WDFY4: variants seen among roughly 807,000 people sequenced by gnomAD.
WDFY4 encodes the protein WDFY family member 4.
In WDFY4, 169 loss-of-function variants were observed where a neutral mutation model predicts 351.9. The observed-to-expected ratio is 0.48, with a 90% CI of 0.42 to 0.55. The LOEUF (loss-of-function observed/expected upper bound fraction) is 0.55. Ranked by LOEUF, WDFY4 falls within the 20% of genes least tolerant of loss-of-function variation. The pLI is 0.00. For missense variants in WDFY4, 3,803 were observed against 3,935.6 expected, an observed-to-expected ratio of 0.97 and a Z score of 0.90; for synonymous variants, 1,622 against 1,574.6, an observed-to-expected ratio of 1.03 and a Z score of -0.71.
rs1386993164 is a variant in WDFY4, at chr10:48,945,952, A to G, written c.7750-88A>G. The G allele has an allele frequency of 4.3e-6, 4 of 929,736 alleles. No homozygotes were observed. The African/African-American group carries it at 5.2e-5, about 12-fold the overall frequency. 57.6% of individuals were successfully genotyped at this position (929,736 alleles called of 1,614,324 possible). A position where few individuals can be genotyped will look rare whatever the true frequency, so the allele number is the denominator to read the frequency against. Reference sequence around the variant, plus strand: ...GGTCAGACCAAATGACTGTAAATCAATAAAGAGAACCATAAAACTCAAGAG... The same window carrying G: ...GGTCAGACCAAATGACTGTAAATCAGTAAAGAGAACCATAAAACTCAAGAG... On this transcript the variant is annotated intron_variant, in intron 49 of 61. Coordinates refer to ENST00000325239, the MANE Select transcript of WDFY4 (RefSeq NM_001394531.1).
intron 32 of WDFY4, 41 bp from the exon 33 acceptor site, chr10:48,820,193 G>A: frequency 1.9e-6 from 3 of 1,547,122 alleles, no homozygotes; most frequent in Non-Finnish European, 2.6e-6. Flanking sequence ...AGAGCTTGAG[G>A]CAGGGCAGGC....
intron 57 of WDFY4, among the ~76,000 whole-genome samples, 154 bp from the exon 58 acceptor site, chr10:48,974,708 C>A (rs989944230): frequency 7.9e-5 from 12 of 152,024 alleles, no homozygotes; most frequent in Non-Finnish European, 1.5e-4. Context: ...CATGCACACA[C>A]CCCCAGCTGC....
chr10:48,787,982 T>C (rs2066540999), intron 20 of WDFY4, among the ~76,000 whole-genome samples: 1 of 117,082 alleles, frequency 8.5e-6, no homozygotes, highest in Non-Finnish European at 1.7e-5. Context: ...CTTCTTCTTC[T>C]TCTCCTTCTC....
rs186873969 is a variant in WDFY4, at chr10:48,840,271, G to T, written c.6663+7562G>T. Among the ~76,000 whole-genome samples, 196 of 152,264 alleles carry T rather than the reference G, an allele frequency of 1.3e-3. 1 individual carries two copies. Among genetic ancestry groups the T allele is most frequent in the Non-Finnish European group, 7.9e-4 (54 of 68,024 alleles). On this transcript the variant is annotated intron_variant, in intron 39 of 61. Coordinates refer to ENST00000325239, the MANE Select transcript of WDFY4 (RefSeq NM_001394531.1). ...CTTCCCCAGAGGGACAGAGTCTGGT[G>T]ATGGAGGTGGGGACACACTGCAGCA... is the stretch of plus-strand genomic sequence containing the variant.
intron 56 of WDFY4, 65 bp from the exon 57 acceptor site, chr10:48,970,066 A>T (rs1842270212): frequency 6.6e-7 from 1 of 1,516,082 alleles, no homozygotes; most frequent in South Asian, 1.3e-5. Context: ...TACCCCCGTG[A>T]CTCTATCCTG....
intron 1 of WDFY4, among the ~76,000 whole-genome samples, chr10:48,695,407 A>T (rs2063305806): frequency 6.6e-6 from 1 of 152,210 alleles, no homozygotes; most frequent in East Asian, 1.9e-4. Flanking sequence ...ACCACCACTG[A>T]CCACTGCCTG....
At chr10:48,742,481 T>C (rs925645281) in intron 11 of WDFY4, among the ~76,000 whole-genome samples, 2 of 152,216 alleles carry the variant, frequency 1.3e-5, no homozygotes, top group Admixed American at 6.5e-5. Flanking sequence ...GTATAAGAGA[T>C]GGTTCATCCC....
At chr10:48,911,227 C>T (rs1322875283) in intron 47 of WDFY4, among the ~76,000 whole-genome samples, 2 of 152,150 alleles carry the variant, frequency 1.3e-5, no homozygotes, top group African/African-American at 2.4e-5. Flanking sequence ...AAGGGGTTCT[C>T]ATGAGTCATT....
chr10:48,929,710 T>C (rs1271713998), intron 47 of WDFY4, among the ~76,000 whole-genome samples: 1 of 152,206 alleles, frequency 6.6e-6, no homozygotes, highest in East Asian at 1.9e-4. Context: ...TACTTAGCAT[T>C]TCTTCTTGGA....
At chr10:48,958,159 C>A (rs1589992969) in intron 52 of WDFY4, among the ~76,000 whole-genome samples, 1 of 152,192 alleles carries the variant, frequency 6.6e-6, no homozygotes, top group Non-Finnish European at 1.5e-5. Context: ...TTAGTCCCTG[C>A]AAAACCTTGT....
At chr10:48,902,925 C>T (rs577030644) in intron 47 of WDFY4, among the ~76,000 whole-genome samples, 1 of 152,128 alleles carries the variant, frequency 6.6e-6, no homozygotes, top group African/African-American at 2.4e-5. Context: ...GCCTGGCCAA[C>T]ATGGTGAAAC....
intron 55 of WDFY4, chr10:48,967,027 C>T: frequency 5.0e-6 from 1 of 200,090 alleles, no homozygotes. Flanking sequence ...ACCTTCTCTC[C>T]TCAAGAGACC....
intron 47 of WDFY4, among the ~76,000 whole-genome samples, chr10:48,932,302 G>A (rs1326582854): frequency 6.6e-6 from 1 of 152,214 alleles, no homozygotes; most frequent in Non-Finnish European, 1.5e-5. Context: ...GCTGCTCTGG[G>A]CCACTCCCCA....
chr10:48,877,089 A>G lies in WDFY4; in HGVS notation c.7057A>G (p.Thr2353Ala). 6.5e-7 allele frequency: 1 copy of G among 1,544,188 alleles called. No individual in the cohort carries two copies. Among genetic ancestry groups the G allele is most frequent in the Non-Finnish European group, 8.8e-7 (1 of 1,142,800 alleles). Residue 2353 changes from threonine (T) to alanine (A), a missense_variant, in exon 43 of 62, where the codon ACC (threonine) becomes GCC (alanine). By Grantham distance (58) the Thr-to-Ala change is moderately conservative. Coordinates refer to ENST00000325239, the MANE Select transcript of WDFY4 (RefSeq NM_001394531.1). ...GEPDEVGVDC[T>A]QLTFFPALHE... ...GCCGGACGAGGTGGGGGTGGACTGC[A>G]CCCAGCTGACCTTCTTCCCAGCCTT...
At chr10:48,724,793 C>T (rs2064210564) in intron 5 of WDFY4, among the ~76,000 whole-genome samples, 1 of 152,094 alleles carries the variant, frequency 6.6e-6, no homozygotes, top group Admixed American at 6.5e-5. Flanking sequence ...AAGGGGAAAA[C>T]AATCCAGGAA....
intron 12 of WDFY4, among the ~76,000 whole-genome samples, chr10:48,758,053 G>A (rs1340973417): frequency 6.6e-6 from 1 of 152,020 alleles, no homozygotes; most frequent in Non-Finnish European, 1.5e-5. Flanking sequence ...CATCCCTGAA[G>A]TTTCCTTTCA....
At chr10:48,944,327 T>A (rs1010421880) in intron 49 of WDFY4, among the ~76,000 whole-genome samples, 1 of 152,128 alleles carries the variant, frequency 6.6e-6, no homozygotes. Context: ...CAAGAACAGA[T>A]CCCTCATCTC....
In WDFY4 at chr10:48,803,301, G is replaced by A. The variant is rs1340943674; in HGVS notation, c.4426G>A (p.Ala1476Thr). The A allele has an allele frequency of 2.6e-6, 4 of 1,551,956 alleles. No homozygotes were observed. Among genetic ancestry groups the A allele is most frequent in the Non-Finnish European group, 3.5e-6 (4 of 1,147,040 alleles). ...LCNFELWMNTADNLELSLFSH... is the reference protein window; with the variant it reads ...LCNFELWMNTTDNLELSLFSH... ...TGTCTTCCAGCTCTGGATGAATACT[G>A]CAGACAATCTGGAGCTCAGCCTCTT... The change falls in exon 25 of 62, where the codon GCA becomes ACA. Residue 1476 changes from alanine (A) to threonine (T), a missense_variant. By Grantham distance (58) the Ala-to-Thr change is moderately conservative (BLOSUM62 0). Coordinates refer to ENST00000325239, the MANE Select transcript of WDFY4 (RefSeq NM_001394531.1).
At chr10:48,920,066 A>G (rs55974125) in intron 47 of WDFY4, among the ~76,000 whole-genome samples, 4,073 of 152,204 alleles carry the variant, frequency 0.027, 111 homozygotes, top group African/African-American at 0.075. Flanking sequence ...GACAGCCCAA[A>G]CTTACTCAAT....
Sources: allele counts gnomAD v4.1 joint callset (sites outside exome capture counted in the v4.1 genomes callset), GRCh38; gene constraint gnomAD v4.1.1; transcripts MANE v1.5; gene names NCBI Gene and HGNC (gene_info 2026-07-23, HGNC 2026-07-21).